The following MMP26 variants were observed in gnomAD, a reference collection of about 807,000 sequenced individuals.
MMP26 encodes the protein matrix metalloproteinase-26.
In MMP26, 33 loss-of-function variants were observed where a neutral mutation model predicts 31.0. The observed-to-expected ratio is 1.06, with a 90% CI of 0.81 to 1.42. The LOEUF (loss-of-function observed/expected upper bound fraction) is 1.42, where lower values mean the gene tolerates loss of function less well. Among genes scored for constraint, MMP26 ranks in the 40% most tolerant of loss-of-function variants. MMP26 has a pLI of 0.00. For synonymous variants in MMP26, 122 were observed against 114.9 expected (o/e 1.06, Z -0.40); for missense variants, 347 against 316.1 (o/e 1.10, Z -0.74).
intron 2 of MMP26, chr11:4,908,292 A>AGGATT: frequency 6.2e-7 from 1 of 1,613,904 alleles, no homozygotes; most frequent in Non-Finnish European, 8.5e-7. Flanking sequence ...AAGTTGCTTA[A>AGGATT]TGTATGTGGG....
At chr11:4,724,373 A>T (rs1301390378) in intron 1 of MMP26, among the ~76,000 whole-genome samples, 1 of 152,226 alleles carries the variant, frequency 6.6e-6, no homozygotes, top group East Asian at 1.9e-4. Flanking sequence ...GATGACTTGT[A>T]GGGATCTGGA....
In MMP26 at chr11:4,852,758, T is replaced by A. The variant is rs1027912950; in HGVS notation, c.-145+85417T>A. 2.0e-5 allele frequency among the ~76,000 whole-genome samples: 3 copies of A among 152,172 alleles called. No homozygotes were observed. In the East Asian group the frequency reaches 5.8e-4, roughly 29 times the overall value. On this transcript the variant is annotated intron_variant, in intron 2 of 7. Coordinates refer to ENST00000380390, the MANE Select transcript of MMP26 (RefSeq NM_021801.5). ...AGAAAGCCATGATCTCAAAGAGATA[T>A]CTTCACTCCCGTGTCCATTGAAGCA...
intron 2 of MMP26, among the ~76,000 whole-genome samples, chr11:4,921,594 A>G (rs1851185409): frequency 6.6e-6 from 1 of 152,204 alleles, no homozygotes; most frequent in Non-Finnish European, 1.5e-5. Context: ...GCATGTAAGC[A>G]CTGTTGTTCA....
At chr11:4,896,832 CTTTTT>C (rs1478764181) in intron 2 of MMP26, among the ~76,000 whole-genome samples, 1 of 151,908 alleles carries the variant, frequency 6.6e-6, no homozygotes, top group Non-Finnish European at 1.5e-5. Flanking sequence ...ATGCTTTTTT[CTTTTT>C]TATTTTAGTT....
chr11:4,809,786 C>T (rs2133460233), intron 2 of MMP26, among the ~76,000 whole-genome samples: 1 of 152,268 alleles, frequency 6.6e-6, no homozygotes, highest in East Asian at 1.9e-4. Flanking sequence ...GATCTGTAGA[C>T]CTGAAGCTCC....
intron 1 of MMP26, chr11:4,752,124 G>A (rs1848453821): frequency 6.6e-6 from 1 of 152,076 alleles, no homozygotes; most frequent in Non-Finnish European, 1.5e-5. Context: ...ATTCATCACA[G>A]AGGGGATGAG....
At chr11:4,908,543 A>T in intron 2 of MMP26, 1 of 537,766 alleles carries the variant, frequency 1.9e-6, no homozygotes, top group Non-Finnish European at 3.3e-6. Context: ...GAAGGAAAAT[A>T]CTTCTGTGAT....
rs757489222 is a variant in MMP26, at chr11:4,769,703, T to A, written c.-145+2362T>A. 4 of 1,613,136 alleles carry A rather than the reference T, an allele frequency of 2.5e-6. No homozygotes were observed. In the East Asian group the frequency reaches 8.9e-5, roughly 36 times the overall value. ...CAATGAAGAAACAGTCAAGCCCAGA[T>A]CAGTGGCTGATAGCCTGAAGAGGAA... On this transcript the variant is annotated intron_variant, in intron 2 of 7. Transcript: ENST00000380390.
intron 2 of MMP26, among the ~76,000 whole-genome samples, chr11:4,924,818 A>C (rs1406643018): frequency 6.6e-6 from 1 of 152,174 alleles, no homozygotes; most frequent in African/African-American, 2.4e-5. Context: ...TAGAATGAGG[A>C]AACGAAACCA....
At chr11:4,983,757 T>G (rs1846847624) in intron 2 of MMP26, among the ~76,000 whole-genome samples, 1 of 152,244 alleles carries the variant, frequency 6.6e-6, no homozygotes, top group African/African-American at 2.4e-5. Flanking sequence ...TTCCTTACAT[T>G]GCCAATATCT....
chr11:4,963,714 T>A (rs543245497), intron 2 of MMP26, among the ~76,000 whole-genome samples: 1 of 152,360 alleles, frequency 6.6e-6, no homozygotes, highest in African/African-American at 2.4e-5. Context: ...ATAGTTGAAC[T>A]AATTTACACT....
chr11:4,929,693 T>G (rs1443976301), intron 2 of MMP26, among the ~76,000 whole-genome samples: 1 of 152,150 alleles, frequency 6.6e-6, no homozygotes, highest in Non-Finnish European at 1.5e-5. Context: ...AAAAGCTAGA[T>G]TATGTTAATT....
Position 4,988,271 on chromosome 11 carries a change from G to A in MMP26, c.60G>A (p.Val20=), listed in dbSNP as rs1197105108. The A allele has an allele frequency of 5.0e-6, 8 of 1,614,054 alleles. No homozygotes were observed. Among genetic ancestry groups the A allele is most frequent in the Non-Finnish European group, 6.8e-6 (8 of 1,180,012 alleles). The part of the protein sequence containing the change: ...IFLPWCFAVP[V]PPAADHKGWD... ...TGCCCTGGTGTTTCGCCGTTCCAGT[G>A]CCCCCTGCTGCAGACCATAAAGGAT... Residue 20 remains valine, a synonymous_variant, in exon 3 of 8, where the codon GTG becomes GTA. Transcript: ENST00000380390.
chr11:4,804,598 T>C lies in MMP26; in HGVS notation c.-145+37257T>C, dbSNP rs77039816. ...ACTGTTGTTTTTCGTACTTATGTCA[T>C]TCAAAATGGGGTAGAACATACTAGT... is the stretch of plus-strand genomic sequence containing the variant. On this transcript the variant is annotated intron_variant, in intron 2 of 7. Coordinates refer to ENST00000380390, the MANE Select transcript of MMP26 (RefSeq NM_021801.5). The C allele has an allele frequency of 3.4e-4, 248 of 739,768 alleles. 3 individuals carry two copies. The East Asian group carries it at 6.4e-3, about 19-fold the overall frequency. The allele number at this position is 739,768 out of a possible 1,614,324, so 45.8% of individuals were successfully genotyped here. A position where few individuals can be genotyped will look rare whatever the true frequency, so the allele number is the denominator to read the frequency against.
At chr11:4,972,187 G>A (rs1846675079) in intron 2 of MMP26, among the ~76,000 whole-genome samples, 1 of 152,178 alleles carries the variant, frequency 6.6e-6, no homozygotes. Flanking sequence ...AGGGGAAGGG[G>A]CTTTGGTTAA....
intron 2 of MMP26, among the ~76,000 whole-genome samples, chr11:4,788,499 A>G (rs1848978968): frequency 6.6e-6 from 1 of 152,136 alleles, no homozygotes; most frequent in Admixed American, 6.5e-5. Context: ...ATTGCTTCTC[A>G]AATTTGCCTA....
chr11:4,798,690 C>G (rs1335621381), intron 2 of MMP26, among the ~76,000 whole-genome samples: 2 of 152,080 alleles, frequency 1.3e-5, no homozygotes, highest in African/African-American at 4.8e-5. Context: ...ATGATGAGAA[C>G]AGAATGGAAC....
intron 2 of MMP26, among the ~76,000 whole-genome samples, chr11:4,768,749 G>T (rs1314399326): frequency 6.6e-6 from 1 of 152,150 alleles, no homozygotes; most frequent in African/African-American, 2.4e-5. Flanking sequence ...TAATTGCCAG[G>T]AGTATTATTT....
At chr11:4,975,068 A>G (rs1290956498) in intron 2 of MMP26, among the ~76,000 whole-genome samples, 2 of 152,042 alleles carry the variant, frequency 1.3e-5, no homozygotes, top group African/African-American at 2.4e-5. Flanking sequence ...AAGTTTACCT[A>G]TGTGACAAAC....
Sources: allele counts gnomAD v4.1 joint callset (sites outside exome capture counted in the v4.1 genomes callset), GRCh38; gene constraint gnomAD v4.1.1; transcripts MANE v1.5; gene names NCBI Gene and HGNC (gene_info 2026-07-23, HGNC 2026-07-21).